TXNRD1: variants seen among roughly 807,000 people sequenced by gnomAD.
TXNRD1 encodes the protein thioredoxin reductase 1, cytoplasmic.
Under a neutral mutation model 80.3 loss-of-function variants are expected in TXNRD1, and 57 were observed. The ratio of observed to expected loss-of-function variants is 0.71; its 90% CI spans 0.57 to 0.89. The LOEUF (loss-of-function observed/expected upper bound fraction) is 0.89, where lower values mean the gene tolerates loss of function less well. Among genes scored for constraint, TXNRD1 ranks in the 40% least tolerant of loss-of-function variants. The probability of loss-of-function intolerance (pLI) is 0.00; values close to 1 mark genes in which losing one functional copy is unlikely to be tolerated. For missense variants in TXNRD1, 730 were observed against 803.0 expected, an observed-to-expected ratio of 0.91 and a Z score of 1.10; for synonymous variants, 291 against 285.2, an observed-to-expected ratio of 1.02 and a Z score of -0.20.
At chr12:104,287,117 C>G in intron 3 of TXNRD1, 1 of 1,484,360 alleles carries the variant, frequency 6.7e-7, no homozygotes, top group Non-Finnish European at 8.9e-7. Flanking sequence ...CTTGTAAGCT[C>G]TGCGTCGGGT....
In TXNRD1 at chr12:104,327,626, A is replaced by G; in HGVS notation, c.1497A>G (p.Ala499=). 6.2e-7 allele frequency: 1 copy of G among 1,613,742 alleles called. No individual in the cohort carries two copies. Among genetic ancestry groups the G allele is most frequent in the South Asian group, 1.1e-5 (1 of 91,042 alleles). The stretch of plus-strand genomic sequence containing the variant: ...AGCTCACCCCAGTTGCAATCCAGGC[A>G]GGAAGATTGCTGGCTCAGAGGCTCT... ...KVELTPVAIQ[A]GRLLAQRLYA... The change falls in exon 13 of 17, where the codon GCA becomes GCG. Residue 499 remains alanine, a synonymous_variant. Transcript: ENST00000525566.
chr12:104,326,866 C>T (rs35904361), intron 12 of TXNRD1, among the ~76,000 whole-genome samples: 2,827 of 151,708 alleles, frequency 0.019, 83 homozygotes, highest in African/African-American at 0.064. Flanking sequence ...GACAGAGTCT[C>T]GCTCTGTCAC....
intron 4 of TXNRD1, among the ~76,000 whole-genome samples, chr12:104,292,735 A>G (rs950141405): frequency 1.3e-5 from 2 of 152,028 alleles, no homozygotes; most frequent in African/African-American, 2.4e-5. Flanking sequence ...GCTCCCTCCA[A>G]TAATTTTTAG....
intron 6 of TXNRD1, among the ~76,000 whole-genome samples, 164 bp downstream of exon 6, chr12:104,313,481 C>T (rs904535219): frequency 2.0e-5 from 3 of 152,178 alleles, no homozygotes; most frequent in African/African-American, 7.2e-5. Context: ...TAAAATGGAT[C>T]AGGTTAAATG....
At chr12:104,331,734 G>A (rs981043262) in intron 14 of TXNRD1, 93 bp downstream of exon 14, 14 of 796,652 alleles carry the variant, frequency 1.8e-5, no homozygotes, top group Non-Finnish European at 2.8e-5. Flanking sequence ...ATAGTACAAA[G>A]CATTTTCATA....
chr12:104,287,027 T>C, intron 3 of TXNRD1: 1 of 1,375,078 alleles, frequency 7.3e-7, no homozygotes, highest in African/African-American at 1.5e-5. Flanking sequence ...ACCTCAGTTT[T>C]CTTCACTCCG....
At chr12:104,233,405 A>C (rs1367007931) in intron 1 of TXNRD1, among the ~76,000 whole-genome samples, 1 of 152,234 alleles carries the variant, frequency 6.6e-6, no homozygotes, top group East Asian at 1.9e-4. Flanking sequence ...TTTTTATTGC[A>C]CTGATGCAAA....
intron 1 of TXNRD1, among the ~76,000 whole-genome samples, chr12:104,216,795 A>G: frequency 6.6e-6 from 1 of 152,248 alleles, no homozygotes; most frequent in African/African-American, 2.4e-5. Flanking sequence ...GGCTTGAGAA[A>G]GTGAGGCTCC....
At position 104,265,732 on chromosome 12, in the gene TXNRD1, G is replaced by A. The variant is rs556439496; in HGVS notation, c.304+7653G>A. ...GGCCAGCAAGTGCCGCCGGCCGGCT[G>A]TCAAGCAGTTCCACGACTCCAAGAT... On this transcript the variant is annotated intron_variant, in intron 3 of 16. Transcript: ENST00000525566. 2.5e-6 allele frequency: 4 copies of A among 1,598,402 alleles called. No individual in the cohort carries two copies. In the African/African-American group the frequency reaches 4.0e-5, roughly 16 times the overall value.
At chr12:104,277,152 G>A (rs1252028228) in intron 3 of TXNRD1, among the ~76,000 whole-genome samples, 4 of 151,770 alleles carry the variant, frequency 2.6e-5, no homozygotes, top group Non-Finnish European at 5.9e-5. Flanking sequence ...AGCACTTGGG[G>A]AGGCCGAGGC....
chr12:104,252,470 A>T (rs1418240612), intron 2 of TXNRD1, among the ~76,000 whole-genome samples: 2 of 151,286 alleles, frequency 1.3e-5, no homozygotes. Flanking sequence ...TCCACCCTGA[A>T]TAAACCAGGG....
intron 3 of TXNRD1, among the ~76,000 whole-genome samples, chr12:104,267,707 TTCTTTCTTTCTTTC>T (rs2033555569): frequency 3.3e-5 from 2 of 61,196 alleles, no homozygotes; most frequent in South Asian, 5.5e-4. Context: ...CTTTCTCTCT[TTCTTTCTTTCTTTC>T]TCTTTCTTTC....
intron 15 of TXNRD1, among the ~76,000 whole-genome samples, chr12:104,337,368 C>T (rs779657977): frequency 1.3e-5 from 2 of 151,976 alleles, no homozygotes; most frequent in African/African-American, 4.8e-5. Context: ...TGAGTTGCCT[C>T]ATCTGTTATG....
intron 3 of TXNRD1, among the ~76,000 whole-genome samples, chr12:104,273,698 G>T (rs1450707356): frequency 6.6e-6 from 1 of 152,354 alleles, no homozygotes; most frequent in Middle Eastern, 3.4e-3. Flanking sequence ...CGACCTGCGC[G>T]TGGCAGCCTT....
In TXNRD1 at chr12:104,252,962, A is replaced by G. The variant is rs2033161335; in HGVS notation, c.243+1284A>G. Among the ~76,000 whole-genome samples, 9 of 151,836 alleles carry G rather than the reference A, an allele frequency of 5.9e-5. No homozygotes were observed. In the South Asian group the frequency reaches 1.9e-3, roughly 32 times the overall value. The stretch of plus-strand genomic sequence containing the variant: ...TGTGATCCACCTGCCTCGGCCTCCC[A>G]AAGTGCTGGGATTACAGGCGTGAGC... On this transcript the variant is annotated intron_variant, in intron 2 of 16. Transcript: ENST00000525566.
Position 104,347,441 on chromosome 12 carries a change from G to A in TXNRD1, c.1882-912G>A, listed in dbSNP as rs1312703415. On this transcript the variant is annotated intron_variant, in intron 16 of 16. Coordinates refer to ENST00000525566, the MANE Select transcript of TXNRD1 (RefSeq NM_001093771.3). ...TAGCAAGTAAAGATTGTCTAAAACT[G>A]TCAAGTCCACAACCATCAAATGTTT... Among the ~76,000 whole-genome samples, 6 of 152,316 alleles carry A rather than the reference G, an allele frequency of 3.9e-5. No individual in the cohort carries two copies. The East Asian group carries it at 9.6e-4, about 24-fold the overall frequency.
chr12:104,331,453 T>G, intron 13 of TXNRD1, 81 bp from the exon 14 acceptor site: 1 of 844,414 alleles, frequency 1.2e-6, no homozygotes, highest in Admixed American at 2.6e-5. Flanking sequence ...ATATCCTTTG[T>G]CAATTTTGAC....
At chr12:104,247,865 G>A (rs1317637983) in intron 1 of TXNRD1, among the ~76,000 whole-genome samples, 3 of 152,156 alleles carry the variant, frequency 2.0e-5, no homozygotes, top group South Asian at 4.1e-4. Flanking sequence ...TCAGTAAGGC[G>A]TTATGGAATC....
intron 1 of TXNRD1, among the ~76,000 whole-genome samples, chr12:104,243,062 A>G (rs1286670392): frequency 1.3e-5 from 2 of 152,234 alleles, no homozygotes; most frequent in Non-Finnish European, 2.9e-5. Flanking sequence ...CACAAGAGCT[A>G]TAAACAGGAT....
Sources: gnomAD v4.1 joint callset for allele counts (sites outside exome capture counted in the v4.1 genomes callset) on GRCh38, gnomAD v4.1.1 for gene constraint, MANE v1.5 for transcripts, NCBI Gene and HGNC (gene_info 2026-07-23, HGNC 2026-07-21) for gene names.